YTHDC1: variants seen among roughly 807,000 people sequenced by gnomAD.
YTHDC1 encodes YTH domain-containing protein 1.
In YTHDC1, 12 loss-of-function variants were observed where a neutral mutation model predicts 107.0. That is an observed-to-expected ratio of 0.11 (90% CI 0.07 to 0.18). The LOEUF (loss-of-function observed/expected upper bound fraction) is 0.18, where lower values mean the gene tolerates loss of function less well. Among genes scored for constraint, YTHDC1 ranks in the 10% least tolerant of loss-of-function variants. The pLI is 1.00. For missense variants in YTHDC1, 635 were observed against 898.8 expected (o/e 0.71, Z 3.75); for synonymous variants, 280 against 289.5 (o/e 0.97, Z 0.33).
intron 9 of YTHDC1, among the ~76,000 whole-genome samples, chr4:68,325,476 T>C (rs1722896899): frequency 6.6e-6 from 1 of 152,172 alleles, no homozygotes; most frequent in South Asian, 2.1e-4. Flanking sequence ...AAAACATAAG[T>C]AACTTTGCCC....
rs1391293125 is a variant in YTHDC1, at chr4:68,311,133, TAC to T, written c.*2964_*2965del. 3 of 152,142 alleles carry T rather than the reference TAC, an allele frequency of 2.0e-5. No homozygotes were observed. Among genetic ancestry groups the T allele is most frequent in the South Asian group, 4.1e-4 (2 of 4,824 alleles). 9.4% of individuals were successfully genotyped at this position (152,142 alleles called of 1,614,324 possible). A position where few individuals can be genotyped will look rare whatever the true frequency, so the allele number is the denominator to read the frequency against. On this transcript the variant is annotated 3_prime_UTR_variant, in exon 17 of 17. Coordinates refer to ENST00000344157, the MANE Select transcript of YTHDC1 (RefSeq NM_001031732.4). ...ACAAAGAACCCCATTTCCTTGGAAA[TAC>T]AGATTGGATTACGGCTGGCTCCAAA...
At chr4:68,325,912 T>C (rs538807001) in intron 9 of YTHDC1, among the ~76,000 whole-genome samples, 22 of 152,148 alleles carry the variant, frequency 1.4e-4, no homozygotes, top group Non-Finnish European at 3.1e-4. Flanking sequence ...CCATCAAGAG[T>C]GAGTCAAAAA....
intron 9 of YTHDC1, among the ~76,000 whole-genome samples, chr4:68,328,559 G>A (rs370082677): frequency 1.3e-5 from 2 of 152,204 alleles, no homozygotes; most frequent in African/African-American, 4.8e-5. Flanking sequence ...GTTGATATGT[G>A]CACAATTACT....
chr4:68,337,164 T>G lies in YTHDC1; in HGVS notation c.746A>C (p.Glu249Ala), dbSNP rs775792492. The change falls in exon 4 of 17, where the codon GAA (glutamate) becomes GCA (alanine). Residue 249 changes from glutamate to alanine, a missense_variant. This residue lies in a region of YTHDC1 where 294 missense variants were observed against 312.3 expected (regional missense o/e 0.94). Coordinates refer to ENST00000344157, the MANE Select transcript of YTHDC1 (RefSeq NM_001031732.4). ...EEEEEEEEEE[E>A]YEQDERDQKE... The stretch of plus-strand genomic sequence containing the variant: ...CTGGTCTCTCTCATCCTGTTCATAT[T>G]CTTCTTCTTCCTCCTCCTCCTCCTC... 40 of 1,613,068 alleles carry G rather than the reference T, an allele frequency of 2.5e-5. No individual in the cohort carries two copies. Among genetic ancestry groups the G allele is most frequent in the Non-Finnish European group, 3.1e-5 (37 of 1,179,328 alleles).
At chr4:68,333,279 A>C (rs370300328) in intron 5 of YTHDC1, 29 bp downstream of exon 5, 16 of 1,552,400 alleles carry the variant, frequency 1.0e-5, no homozygotes, top group Non-Finnish European at 1.4e-5. Context: ...ATTAGAATCA[A>C]GTCAGATATG....
At chr4:68,341,051 A>C (rs1408543195) in intron 1 of YTHDC1, among the ~76,000 whole-genome samples, 5 of 152,112 alleles carry the variant, frequency 3.3e-5, no homozygotes, top group African/African-American at 1.2e-4. Context: ...ATACTTTGTC[A>C]CTTTTAAAAT....
intron 9 of YTHDC1, among the ~76,000 whole-genome samples, chr4:68,327,273 G>GA (rs1260168861): frequency 2.0e-5 from 3 of 152,030 alleles, no homozygotes; most frequent in African/African-American, 7.2e-5. Flanking sequence ...GACTCTAAAT[G>GA]AAAACAGAAA....
chr4:68,311,279 T>C lies in YTHDC1; in HGVS notation c.*2820A>G, dbSNP rs1198345236. The C allele has an allele frequency of 3.3e-5, 5 of 152,184 alleles. No homozygotes were observed. Among genetic ancestry groups the C allele is most frequent in the Admixed American group, 2.0e-4 (3 of 15,274 alleles). The allele number at this position is 152,184 out of a possible 1,614,324, so 9.4% of individuals were successfully genotyped here. A position where few individuals can be genotyped will look rare whatever the true frequency, so the allele number is the denominator to read the frequency against. ...AAGCTTGGAGATAATGGCCATTTTC[T>C]GAAAAATTAGACCATGCTTGAAAAA... On this transcript the variant is annotated 3_prime_UTR_variant, in exon 17 of 17. Coordinates refer to ENST00000344157, the MANE Select transcript of YTHDC1 (RefSeq NM_001031732.4).
At chr4:68,326,925 T>A (rs1057061877) in intron 9 of YTHDC1, among the ~76,000 whole-genome samples, 2 of 151,180 alleles carry the variant, frequency 1.3e-5, no homozygotes, top group African/African-American at 2.4e-5. Context: ...CAGTGGTTTG[T>A]TGATTAAAGT....
chr4:68,337,997 G>A (rs907910362), intron 2 of YTHDC1, 97 bp from the exon 3 acceptor site: 1 of 1,482,002 alleles, frequency 6.7e-7, no homozygotes, highest in Non-Finnish European at 8.9e-7. Flanking sequence ...AGGAAGGGGG[G>A]ATAGGCCTCA....
intron 16 of YTHDC1, among the ~76,000 whole-genome samples, chr4:68,315,473 T>C (rs183083878): frequency 5.3e-5 from 8 of 152,116 alleles, no homozygotes; most frequent in African/African-American, 1.7e-4. Flanking sequence ...TCAACCTAAG[T>C]AGGGAGTGGA....
rs141403045 is a variant in YTHDC1 at position 68,337,654 on chromosome 4, T to C, written c.377A>G (p.Tyr126Cys). ...ACAGGTTTTTTCAGGTTGATTCTTA[T>C]AAGGTTCTCTGGAGGCACTACTTGA... ...RLSSSASREP[Y>C]KNQPEKTCVR... The change falls in exon 3 of 17, where the codon TAT becomes TGT. Residue 126 changes from tyrosine to cysteine, a missense_variant. By Grantham distance (194) the Tyr-to-Cys change is radical. Coordinates refer to ENST00000344157, the MANE Select transcript of YTHDC1 (RefSeq NM_001031732.4). The C allele has an allele frequency of 1.2e-4, 195 of 1,614,034 alleles. No individual in the cohort carries two copies. Among genetic ancestry groups the C allele is most frequent in the Non-Finnish European group, 1.5e-4 (179 of 1,180,038 alleles).
chr4:68,322,919 G>C lies in YTHDC1; in HGVS notation c.1435-4C>G. 6.2e-7 allele frequency: 1 copy of C among 1,611,096 alleles called. No individual in the cohort carries two copies. The highest frequency in any genetic ancestry group is 1.1e-5 in the South Asian group (1 of 90,944). On this transcript the variant is annotated splice_polypyrimidine_tract_variant and splice_region_variant and intron_variant, in intron 10 of 16. Coordinates refer to ENST00000344157, the MANE Select transcript of YTHDC1 (RefSeq NM_001031732.4). This position sits in a 1 kb window ranked among gnomAD's most constrained non-coding sequence, Gnocchi z 4.8. ...TTCCACATTCAAGTTCAATTTCCTA[G>C]AATAGGAAAGTAGCAATTTATAAAA...
chr4:68,320,094 A>ATTT, intron 12 of YTHDC1, 29 bp downstream of exon 12: 1 of 1,530,464 alleles, frequency 6.5e-7, no homozygotes, highest in South Asian at 1.2e-5. Flanking sequence ...ATTTGAAATC[A>ATTT]AATATCTGCA....
intron 9 of YTHDC1, among the ~76,000 whole-genome samples, chr4:68,326,518 G>C (rs1338416501): frequency 6.6e-6 from 1 of 152,138 alleles, no homozygotes; most frequent in African/African-American, 2.4e-5. Flanking sequence ...TGAGTTCTTT[G>C]AGAACATGTA....
intron 1 of YTHDC1, 116 bp downstream of exon 1, chr4:68,349,610 C>CCGTATCATTAAAAAA: frequency 8.1e-7 from 1 of 1,228,094 alleles, no homozygotes; most frequent in Admixed American, 2.0e-5. Flanking sequence ...CGGCTCCTCG[C>CCGTATCATTAAAAAA]GAGGCCAGCT....
At position 68,329,910 on chromosome 4, in the gene YTHDC1, A is replaced by G. The variant is rs1723393759; in HGVS notation, c.1349+92T>C. On this transcript the variant is annotated intron_variant, in intron 9 of 16. Transcript: ENST00000344157. ...AGGTAGTTACTGAACAAGGTAAGATAAGTATACAGTGACTTTTTCACTTTA... is the reference window on the plus strand; with the variant it reads ...AGGTAGTTACTGAACAAGGTAAGATGAGTATACAGTGACTTTTTCACTTTA... 12 of 904,156 alleles carry G rather than the reference A, an allele frequency of 1.3e-5. No homozygotes were observed. The East Asian group carries it at 2.9e-4, about 22-fold the overall frequency. The allele number at this position is 904,156 out of a possible 1,614,324, so 56.0% of individuals were successfully genotyped here.
intron 5 of YTHDC1, 46 bp from the exon 6 acceptor site, chr4:68,332,893 G>T: frequency 6.5e-7 from 1 of 1,528,368 alleles, no homozygotes; most frequent in Non-Finnish European, 9.0e-7. Context: ...CTTTAATAGA[G>T]ATAAGACAAA....
intron 12 of YTHDC1, 78 bp from the exon 13 acceptor site, chr4:68,318,940 A>C: frequency 7.0e-7 from 1 of 1,437,132 alleles, no homozygotes; most frequent in African/African-American, 1.4e-5. Context: ...CTTCCTTACC[A>C]CTCGTTTCAA....
Sources: gnomAD v4.1 joint callset for allele counts (sites outside exome capture counted in the v4.1 genomes callset) on GRCh38, gnomAD v4.1.1 for gene constraint, gnomAD v4.1.1 regional missense constraint, Gnocchi (gnomAD v3.1) non-coding constraint, MANE v1.5 for transcripts, NCBI Gene and HGNC (gene_info 2026-07-23, HGNC 2026-07-21) for gene names.